Variants in ZNF689 observed in about 807,000 individuals in gnomAD.
ZNF689 encodes zinc finger protein 689.
Under a neutral mutation model 37.2 loss-of-function variants are expected in ZNF689, and 14 were observed. The ratio of observed to expected loss-of-function variants is 0.38; its 90% CI spans 0.25 to 0.59. The LOEUF is 0.59. ZNF689 is among the 20% of genes least tolerant of loss of function. The probability of loss-of-function intolerance (pLI) is 0.68; values close to 1 mark genes in which losing one functional copy is unlikely to be tolerated. For missense variants in ZNF689, 573 were observed against 700.2 expected, an observed-to-expected ratio of 0.82 and a Z score of 2.05; for synonymous variants, 277 against 283.3, an observed-to-expected ratio of 0.98 and a Z score of 0.22.
chr16:30,604,503 C>T lies in ZNF689; in HGVS notation c.1264G>A (p.Val422Met), dbSNP rs368841160. The change falls in exon 3 of 3, where the codon GTG (valine) becomes ATG (methionine). Residue 422 changes from valine to methionine, a missense_variant. By Grantham distance (21) the Val-to-Met change is conservative. This residue lies in a region of ZNF689 where 317 missense variants were observed against 367.1 expected (regional missense o/e 0.86). Coordinates refer to ENST00000287461, the MANE Select transcript of ZNF689 (RefSeq NM_138447.3). This position sits in a 1 kb window ranked among gnomAD's most constrained non-coding sequence, Gnocchi z 5.2. ...YPSLLASHRRVHSGERPYACD... is the reference protein window; with the variant it reads ...YPSLLASHRRMHSGERPYACD... The stretch of plus-strand genomic sequence containing the variant: ...GCATAGGGCCGCTCGCCCGAGTGCA[C>T]GCGCCGGTGGCTGGCCAGCAGTGAG... 3.1e-5 allele frequency: 49 copies of T among 1,597,784 alleles called. No homozygotes were observed. The highest frequency in any genetic ancestry group is 5.3e-5 in the Admixed American group (3 of 56,764).
In ZNF689 at chr16:30,604,814, G is replaced by A. The variant is rs780372777; in HGVS notation, c.953C>T (p.Pro318Leu). 24 of 1,609,118 alleles carry A rather than the reference G, an allele frequency of 1.5e-5. No homozygotes were observed. Among genetic ancestry groups the A allele is most frequent in the East Asian group, 2.2e-5 (1 of 44,824 alleles). ...QRIHTGEKPY[P>L]CPDCERRFSS... ...GAAGCGCCGCTCGCAGTCCGGGCAC[G>A]GGTAGGGCTTCTCGCCCGTGTGGAT... Residue 318 changes from proline to leucine, a missense_variant, in exon 3 of 3, where the codon CCG becomes CTG. Physicochemically the swap from Pro to Leu is moderately conservative, Grantham distance 98. This residue lies in a region of ZNF689 where 317 missense variants were observed against 367.1 expected (regional missense o/e 0.86). Transcript: ENST00000287461. The surrounding 1 kb of genome is among the most constrained non-coding windows in gnomAD (Gnocchi z 5.2).
chr16:30,609,044 C>T (rs376601761), intron 2 of ZNF689, among the ~76,000 whole-genome samples: 325 of 152,244 alleles, frequency 2.1e-3, no homozygotes, highest in Non-Finnish European at 3.3e-3. Flanking sequence ...TCAACCAAAA[C>T]CCAGAAAACT....
In ZNF689 at chr16:30,604,257, T is replaced by TC. The variant is rs1443127230; in HGVS notation, c.*6dup. On this transcript the variant is annotated 3_prime_UTR_variant, in exon 3 of 3. Transcript: ENST00000287461. This position sits in a 1 kb window ranked among gnomAD's most constrained non-coding sequence, Gnocchi z 5.2. ...AAATGAAATGAACGTAGGCAGTCCT[T>TC]CCCCTTCTAATGGGCGTTGCCCCTC... is the stretch of plus-strand genomic sequence containing the variant. 2 of 1,614,020 alleles carry TC rather than the reference T, an allele frequency of 1.2e-6. No homozygotes were observed. The highest frequency in any genetic ancestry group is 4.5e-5 in the East Asian group (2 of 44,882).
Position 30,604,798 on chromosome 16 carries a change from C to A in ZNF689, c.969G>T (p.Glu323Asp). ...GEKPYPCPDC[E>D]RRFSSSSRLV... The stretch of plus-strand genomic sequence containing the variant: ...GGCGAGAGGAGGAGGAGAAGCGCCG[C>A]TCGCAGTCCGGGCACGGGTAGGGCT... Residue 323 changes from glutamate (E) to aspartate (D), a missense_variant, in exon 3 of 3, where the codon GAG (glutamate) becomes GAT (aspartate). Physicochemically the swap from Glu to Asp is conservative, Grantham distance 45. Transcript: ENST00000287461. This position sits in a 1 kb window ranked among gnomAD's most constrained non-coding sequence, Gnocchi z 5.2. 6.2e-7 allele frequency: 1 copy of A among 1,609,776 alleles called. No individual in the cohort carries two copies. Among genetic ancestry groups the A allele is most frequent in the South Asian group, 1.1e-5 (1 of 90,670 alleles).
At chr16:30,610,670 T>C (rs1596589634), upstream of ZNF689, 1 of 152,412 alleles carries the variant, frequency 6.6e-6, no homozygotes, top group Non-Finnish European at 1.5e-5. Flanking sequence ...AGGGAACGAT[T>C]TGAGCGATGG....
intron 1 of ZNF689, 46 bp from the exon 2 acceptor site, chr16:30,609,684 G>A (rs377219587): frequency 1.9e-5 from 31 of 1,612,352 alleles, no homozygotes; most frequent in African/African-American, 1.7e-4. Flanking sequence ...AGATCACGCC[G>A]AGTAGTATCT....
At chr16:30,606,701 C>A (rs1005749085) in intron 2 of ZNF689, among the ~76,000 whole-genome samples, 1 of 151,888 alleles carries the variant, frequency 6.6e-6, no homozygotes, top group Non-Finnish European at 1.5e-5. Flanking sequence ...AGGGTTTCAC[C>A]ATGTTGGCCA....
chr16:30,604,211 C>A lies in ZNF689; in HGVS notation c.*53G>T. 1 of 1,599,094 alleles carries A rather than the reference C, an allele frequency of 6.3e-7. No homozygotes were observed. The highest frequency in any genetic ancestry group is 8.6e-7 in the Non-Finnish European group (1 of 1,168,190). ...CTGTATGACCTGGGGCTCCTCCTTC[C>A]CTTTTCTGGGACCCTCCATAAAATG... On this transcript the variant is annotated 3_prime_UTR_variant, in exon 3 of 3. Transcript: ENST00000287461. The surrounding 1 kb of genome is among the most constrained non-coding windows in gnomAD (Gnocchi z 5.2).
intron 2 of ZNF689, among the ~76,000 whole-genome samples, chr16:30,608,747 C>T (rs2052059329): frequency 6.6e-6 from 1 of 152,176 alleles, no homozygotes; most frequent in African/African-American, 2.4e-5. Flanking sequence ...ATTTAACAAC[C>T]TTGGCAAAAA....
intron 2 of ZNF689, 168 bp downstream of exon 2, chr16:30,609,357 T>C: frequency 2.4e-6 from 1 of 423,934 alleles, no homozygotes; most frequent in Non-Finnish European, 4.4e-6. Context: ...GACATAGGAA[T>C]CTCTGTGTGG....
upstream of ZNF689, chr16:30,610,679 G>T (rs1305275394): frequency 6.6e-6 from 1 of 152,366 alleles, no homozygotes; most frequent in Admixed American, 6.5e-5. Context: ...TTTGAGCGAT[G>T]GAGCCACTCT....
intron 2 of ZNF689, chr16:30,608,280 CTTTTT>C (rs34335163): frequency 6.7e-6 from 1 of 148,172 alleles, no homozygotes; most frequent in Non-Finnish European, 1.5e-5. Flanking sequence ...GTTTTCTTTT[CTTTTT>C]TTTTTTCCCC....
chr16:30,607,079 C>G (rs1179192287), intron 2 of ZNF689, among the ~76,000 whole-genome samples: 1 of 149,506 alleles, frequency 6.7e-6, no homozygotes, highest in African/African-American at 2.5e-5. Flanking sequence ...GGTGAAACCC[C>G]GTCTCTACAA....
chr16:30,608,241 A>G (rs2052053745), intron 2 of ZNF689: 3 of 152,078 alleles, frequency 2.0e-5, no homozygotes, highest in Non-Finnish European at 2.9e-5. Flanking sequence ...TAGCATTGTT[A>G]AAGACCTTGG....
chr16:30,604,893 G>A lies in ZNF689; in HGVS notation c.874C>T (p.Leu292Phe), dbSNP rs760296360. The A allele has an allele frequency of 3.2e-6, 5 of 1,576,772 alleles. No individual in the cohort carries two copies. Among genetic ancestry groups the A allele is most frequent in the Non-Finnish European group, 4.3e-6 (5 of 1,161,448 alleles). The change falls in exon 3 of 3, where the codon CTC (leucine) becomes TTC (phenylalanine). Residue 292 changes from leucine (L) to phenylalanine (F), a missense_variant. Leu to Phe is a conservative substitution (Grantham distance 22, BLOSUM62 0). This residue lies in a region of ZNF689 where 317 missense variants were observed against 367.1 expected (regional missense o/e 0.86). Coordinates refer to ENST00000287461, the MANE Select transcript of ZNF689 (RefSeq NM_138447.3). The surrounding 1 kb of genome is among the most constrained non-coding windows in gnomAD (Gnocchi z 5.2). ...THTGEKPYTC[L>F]ECNRRFRQRT... is the part of the protein sequence containing the mutation. ...TGGCGGAAGCGGCGGTTGCACTCGA[G>A]GCAAGTGTAGGGCTTCTCTCCCGTG...
intron 2 of ZNF689, 29 bp downstream of exon 2, chr16:30,609,496 C>G: frequency 6.2e-7 from 1 of 1,601,528 alleles, no homozygotes; most frequent in Non-Finnish European, 8.6e-7. Flanking sequence ...AGGAGGGCTG[C>G]AGGCTCTGCG....
Position 30,603,836 on chromosome 16 carries a change from T to A in ZNF689, c.*428A>T. On this transcript the variant is annotated 3_prime_UTR_variant, in exon 3 of 3. Transcript: ENST00000287461. The stretch of plus-strand genomic sequence containing the variant: ...GTAGAAGACCACTTGGCAGGAGTGT[T>A]GCAAAAAGTGGGCTAAACCAGATTT... 1 of 334,300 alleles carries A rather than the reference T, an allele frequency of 3.0e-6. No individual in the cohort carries two copies. The highest frequency in any genetic ancestry group is 2.5e-5 in the South Asian group (1 of 40,292). 20.7% of individuals were successfully genotyped at this position (334,300 alleles called of 1,614,324 possible).
At position 30,604,783 on chromosome 16, in the gene ZNF689, G is replaced by A. The variant is rs1749802163; in HGVS notation, c.984C>T (p.Ser328=). Residue 328 remains serine, a synonymous_variant, in exon 3 of 3, where the codon TCC becomes TCT. Coordinates refer to ENST00000287461, the MANE Select transcript of ZNF689 (RefSeq NM_138447.3). This position sits in a 1 kb window ranked among gnomAD's most constrained non-coding sequence, Gnocchi z 5.2. ...GCCGGTGACTGACCAGGCGAGAGGA[G>A]GAGGAGAAGCGCCGCTCGCAGTCCG... ...PCPDCERRFS[S]SSRLVSHRRV... 2 of 1,607,722 alleles carry A rather than the reference G, an allele frequency of 1.2e-6. No individual in the cohort carries two copies. The highest frequency in any genetic ancestry group is 1.1e-5 in the South Asian group (1 of 90,590).
At chr16:30,609,462 G>A in intron 2 of ZNF689, 63 bp downstream of exon 2, 1 of 1,494,802 alleles carries the variant, frequency 6.7e-7, no homozygotes, top group Non-Finnish European at 9.3e-7. Flanking sequence ...ACTCTGGACA[G>A]AGCCGTTAGA....
Sources: allele counts gnomAD v4.1 joint callset (sites outside exome capture counted in the v4.1 genomes callset), GRCh38; gene constraint gnomAD v4.1.1; regional missense constraint gnomAD v4.1.1; non-coding constraint Gnocchi (gnomAD v3.1); transcripts MANE v1.5; gene names NCBI Gene and HGNC (gene_info 2026-07-23, HGNC 2026-07-21).